SPMIP6: variants seen among roughly 807,000 people sequenced by gnomAD.
The protein encoded by SPMIP6 is ciliated bronchial epithelial protein 1.
the SPMIP6 span, among the ~76,000 whole-genome samples, chr9:34,386,409 C>T: frequency 6.6e-6 from 1 of 152,010 alleles, no homozygotes; most frequent in Non-Finnish European, 1.5e-5. Context: ...TCCTGGCTAA[C>T]ATGGTGAAAT....
chr9:34,396,739 G>A, the SPMIP6 span, among the ~76,000 whole-genome samples: 1 of 152,098 alleles, frequency 6.6e-6, no homozygotes, highest in African/African-American at 2.4e-5. Flanking sequence ...GTTGGGCAGC[G>A]CTCTCCCCTT....
At chr9:34,386,969 C>T in the SPMIP6 span, among the ~76,000 whole-genome samples, 1 of 152,126 alleles carries the variant, frequency 6.6e-6, no homozygotes, top group Admixed American at 6.5e-5. Flanking sequence ...AGGGCTTCTT[C>T]CTCATAACGG....
chr9:34,385,716 AGCACATTTGGCCATCTTCT>A, the SPMIP6 span: 22 of 1,613,734 alleles, frequency 1.4e-5, no homozygotes, highest in Non-Finnish European at 1.8e-5. Flanking sequence ...AGTCCTGTAC[AGCACATTTGGCCATCTTCT>A]GCAGGGCTTC....
chr9:34,385,741 G>C, the SPMIP6 span: 8 of 1,613,620 alleles, frequency 5.0e-6, no homozygotes, highest in African/African-American at 1.1e-4. Flanking sequence ...CTTCTGCAGG[G>C]CTTCGGGATC....
the SPMIP6 span, chr9:34,379,302 A>G: frequency 1.5e-6 from 1 of 685,070 alleles, no homozygotes. This position sits in a 1 kb window ranked among gnomAD's most constrained non-coding sequence, Gnocchi z 4.2. Context: ...TTGGGTTCCA[A>G]TACTGACCTC....
At chr9:34,387,671 A>G in the SPMIP6 span, among the ~76,000 whole-genome samples, 1 of 152,192 alleles carries the variant, frequency 6.6e-6, no homozygotes, top group African/African-American at 2.4e-5. Flanking sequence ...GACATCGTCA[A>G]TTTTTCTGTT....
the SPMIP6 span, chr9:34,381,013 G>A: frequency 1.2e-6 from 2 of 1,611,274 alleles, no homozygotes; most frequent in Non-Finnish European, 1.7e-6. The surrounding 1 kb of genome is among the most constrained non-coding windows in gnomAD (Gnocchi z 4.4). Flanking sequence ...AAGCACTTTC[G>A]TAACCATGGA....
chr9:34,389,449 C>T, the SPMIP6 span, among the ~76,000 whole-genome samples: 2 of 152,092 alleles, frequency 1.3e-5, no homozygotes. Context: ...TTGCCCTTCT[C>T]TATAAATTTT....
At chr9:34,390,650 T>A in the SPMIP6 span, among the ~76,000 whole-genome samples, 2 of 152,226 alleles carry the variant, frequency 1.3e-5, no homozygotes, top group African/African-American at 4.8e-5. Flanking sequence ...GCTTTTGTAT[T>A]TATGAATGAA....
the SPMIP6 span, among the ~76,000 whole-genome samples, chr9:34,391,709 T>C: frequency 1.3e-5 from 2 of 152,208 alleles, 1 homozygote; most frequent in African/African-American, 4.8e-5. Flanking sequence ...TTTTATTACA[T>C]TGAGGTTAGA....
the SPMIP6 span, among the ~76,000 whole-genome samples, chr9:34,386,366 C>T: frequency 6.6e-6 from 1 of 152,140 alleles, no homozygotes; most frequent in Non-Finnish European, 1.5e-5. Flanking sequence ...GAGGCCGAGG[C>T]AGGCGGATCA....
chr9:34,381,863 G>C, the SPMIP6 span: 3 of 854,024 alleles, frequency 3.5e-6, no homozygotes, highest in African/African-American at 5.5e-5. This position sits in a 1 kb window ranked among gnomAD's most constrained non-coding sequence, Gnocchi z 4.4. Flanking sequence ...CATCAACCCA[G>C]GGTCAGCCAT....
the SPMIP6 span, among the ~76,000 whole-genome samples, chr9:34,391,122 GT>G: frequency 6.6e-6 from 1 of 152,104 alleles, no homozygotes; most frequent in African/African-American, 2.4e-5. Context: ...TTTTTAAATC[GT>G]TATAGGAGCA....
chr9:34,382,230 A>G, the SPMIP6 span, among the ~76,000 whole-genome samples: 20 of 152,310 alleles, frequency 1.3e-4, no homozygotes, highest in Admixed American at 1.3e-3. Context: ...CCCAATCCCC[A>G]GAGATTGAGA....
chr9:34,386,642 T>C, the SPMIP6 span, among the ~76,000 whole-genome samples: 1 of 151,928 alleles, frequency 6.6e-6, no homozygotes, highest in African/African-American at 2.4e-5. Flanking sequence ...CTGATTCTGC[T>C]GTGGCTCTGG....
the SPMIP6 span, among the ~76,000 whole-genome samples, chr9:34,391,840 G>A: frequency 6.6e-6 from 1 of 152,008 alleles, no homozygotes; most frequent in Non-Finnish European, 1.5e-5. Flanking sequence ...TGGGTTCAGG[G>A]CTTTATTTAT....
the SPMIP6 span, among the ~76,000 whole-genome samples, chr9:34,383,044 G>A: frequency 6.6e-6 from 1 of 152,206 alleles, no homozygotes; most frequent in Admixed American, 6.5e-5. Flanking sequence ...ACACTGAGAT[G>A]CAGCCCATGT....
chr9:34,383,362 A>G, the SPMIP6 span, among the ~76,000 whole-genome samples: 2 of 152,186 alleles, frequency 1.3e-5, no homozygotes, highest in Non-Finnish European at 1.5e-5. Context: ...TGTCTCTACT[A>G]AAATACAAAA....
chr9:34,379,898 G>A, the SPMIP6 span: 1 of 581,186 alleles, frequency 1.7e-6, no homozygotes, highest in South Asian at 2.0e-5. This position sits in a 1 kb window ranked among gnomAD's most constrained non-coding sequence, Gnocchi z 4.2. Context: ...GCACCGATTC[G>A]GGAACCCCCC....
Sources: gnomAD v4.1 joint callset for allele counts (sites outside exome capture counted in the v4.1 genomes callset) on GRCh38, gnomAD v4.1.1 for gene constraint, Gnocchi (gnomAD v3.1) non-coding constraint, MANE v1.5 for transcripts, NCBI Gene and HGNC (gene_info 2026-07-23, HGNC 2026-07-21) for gene names.